YES1: variants seen among roughly 807,000 people sequenced by gnomAD.
YES1 encodes the protein tyrosine-protein kinase Yes.
In YES1, 39 loss-of-function variants were observed where a neutral mutation model predicts 70.4. The observed-to-expected ratio is 0.55, with a 90% CI of 0.43 to 0.72. The LOEUF is 0.72. Ranked by LOEUF, YES1 falls within the 30% of genes least tolerant of loss-of-function variation. The probability of loss-of-function intolerance (pLI) is 0.00; values close to 1 mark genes in which losing one functional copy is unlikely to be tolerated. For missense variants in YES1, 495 were observed against 644.8 expected (o/e 0.77, Z 2.52); for synonymous variants, 198 against 218.6 (o/e 0.91, Z 0.83).
chr18:784,652 C>G (rs1181624168), intron 1 of YES1, among the ~76,000 whole-genome samples: 1 of 152,180 alleles, frequency 6.6e-6, no homozygotes, highest in Non-Finnish European at 1.5e-5. Flanking sequence ...GGGGGCTGCC[C>G]ACATTCCTTG....
intron 1 of YES1, among the ~76,000 whole-genome samples, chr18:772,729 G>A (rs1473968315): frequency 6.6e-6 from 1 of 152,122 alleles, no homozygotes; most frequent in African/African-American, 2.4e-5. Context: ...ACCACGCCCG[G>A]CCAGCATCTC....
At chr18:804,265 T>A (rs80144518) in intron 1 of YES1, among the ~76,000 whole-genome samples, 8,666 of 152,316 alleles carry the variant, frequency 0.057, 346 homozygotes, top group East Asian at 0.13. Context: ...ACTGACATCA[T>A]AACTATCCAC....
At chr18:739,871 G>T in intron 8 of YES1, 60 bp from the exon 9 acceptor site, 2 of 1,276,996 alleles carry the variant, frequency 1.6e-6, no homozygotes, top group South Asian at 1.3e-5. Context: ...GGATTGAAAT[G>T]AATACTCCTC....
rs550738309 is a variant in YES1, at chr18:760,402, G to A, written c.-8-3567C>T. 1.2e-4 allele frequency among the ~76,000 whole-genome samples: 18 copies of A among 152,130 alleles called. No individual in the cohort carries two copies. In the South Asian group the frequency reaches 3.1e-3, roughly 26 times the overall value. The stretch of plus-strand genomic sequence containing the variant: ...GAAGAATCGCTTGAATCTGGGAGGC[G>A]GAGGTTGCAGTAAGTCAAGATTATG... On this transcript the variant is annotated intron_variant, in intron 1 of 11. Transcript: ENST00000314574.
intron 1 of YES1, among the ~76,000 whole-genome samples, chr18:777,816 AAAAAAAAAAATT>A (rs1430996510): frequency 1.3e-5 from 2 of 151,914 alleles, no homozygotes; most frequent in Admixed American, 1.3e-4. Context: ...TAAAAAAAAA[AAAAAAAAAAATT>A]AAAAAAAGAA....
At chr18:772,694 A>C (rs759911555) in intron 1 of YES1, among the ~76,000 whole-genome samples, 5 of 152,132 alleles carry the variant, frequency 3.3e-5, no homozygotes, top group Non-Finnish European at 7.3e-5. Flanking sequence ...GGCCTCTCAA[A>C]GTGCTGGGAT....
chr18:801,538 T>C (rs1906822805), intron 1 of YES1, among the ~76,000 whole-genome samples: 1 of 152,168 alleles, frequency 6.6e-6, no homozygotes, highest in Admixed American at 6.5e-5. Context: ...AAATTTTAAC[T>C]GAACCATCAG....
At position 745,980 on chromosome 18, in the gene YES1, A is replaced by G; in HGVS notation, c.542T>C (p.Ile181Thr). 1 of 1,613,220 alleles carries G rather than the reference A, an allele frequency of 6.2e-7. No homozygotes were observed. The highest frequency in any genetic ancestry group is 1.1e-5 in the South Asian group (1 of 90,978). The change falls in exon 5 of 12, where the codon ATT (isoleucine) becomes ACT (threonine). Residue 181 changes from isoleucine (I) to threonine (T), a missense_variant. Ile to Thr is a moderately conservative substitution (Grantham distance 89). Around this residue, in one of 2 missense-constraint regions of YES1, gnomAD observed 385 missense variants for 540.9 expected, o/e 0.71. Transcript: ENST00000314574. ...LLLNPGNQRGIFLVRESETTK... is the reference protein window; with the variant it reads ...LLLNPGNQRGTFLVRESETTK... Reference sequence around the variant, plus strand: ...TGTTTCACTCTCTCTTACTAAGAAAATACCTCGTTGATTTCCAGGATTCAA... The same window carrying G: ...TGTTTCACTCTCTCTTACTAAGAAAGTACCTCGTTGATTTCCAGGATTCAA...
At chr18:736,556 A>C (rs1325022254) in intron 10 of YES1, 1 of 310,722 alleles carries the variant, frequency 3.2e-6, no homozygotes, top group Non-Finnish European at 5.8e-6. Context: ...ATTTGTTGTC[A>C]TGTCAAAAGA....
intron 1 of YES1, among the ~76,000 whole-genome samples, chr18:771,862 G>C (rs745654368): frequency 6.6e-6 from 1 of 151,906 alleles, no homozygotes; most frequent in Non-Finnish European, 1.5e-5. Context: ...ATTTCCTTAT[G>C]TATCTGCTTG....
chr18:812,251 C>A (rs975121237), upstream of YES1: 1 of 151,840 alleles, frequency 6.6e-6, no homozygotes, highest in Non-Finnish European at 1.5e-5. Context: ...ACGGCAGAGC[C>A]GGCCCGGGAC....
chr18:747,546 C>T (rs1056957678), intron 4 of YES1, among the ~76,000 whole-genome samples: 3 of 152,176 alleles, frequency 2.0e-5, no homozygotes, highest in African/African-American at 7.2e-5. Flanking sequence ...TCCCTATCAA[C>T]ACACCCTCAT....
intron 1 of YES1, among the ~76,000 whole-genome samples, chr18:808,291 T>C (rs1015822129): frequency 2.0e-5 from 3 of 152,164 alleles, no homozygotes; most frequent in Non-Finnish European, 4.4e-5. Flanking sequence ...CTATAGCTCC[T>C]TTTGCTAAAT....
rs58322434 is a variant in YES1, at chr18:726,781, C to CAAAAAAAAAAAAAAAAAAA, written c.1424-2168_1424-2150dup. On this transcript the variant is annotated intron_variant, in intron 11 of 11. Transcript: ENST00000314574. Reference sequence around the variant, plus strand: ...GGGTGACAAAGCAAGACTCTTGTCTCAAAAAAAAAAAAAAAAAAAAAAAAA... The same window carrying CAAAAAAAAAAAAAAAAAAA: ...GGGTGACAAAGCAAGACTCTTGTCTCAAAAAAAAAAAAAAAAAAAAAAAAAAAAAAAAAAAAAAAAAAAA... Among the ~76,000 whole-genome samples the CAAAAAAAAAAAAAAAAAAA allele has an allele frequency of 8.5e-5, 4 of 47,232 alleles. 1 individual carries two copies. The highest frequency in any genetic ancestry group is 7.9e-4 in the Admixed American group (2 of 2,544). The allele number at this position is 47,232 out of a possible 152,430, so 31.0% of individuals were successfully genotyped here.
rs2080234054 is a variant in YES1, at chr18:743,077, T to C, written c.901A>G (p.Lys301Glu). ...GGTTTTAGTGTTTTGATTGCTACTT[T>C]CGTGGTTCCATTCCATGTTCCTAAA... ...VWMGTWNGTTKVAIKTLKPGT... is the reference protein window; with the variant it reads ...VWMGTWNGTTEVAIKTLKPGT... Residue 301 changes from lysine to glutamate, a missense_variant, in exon 8 of 12, where the codon AAA (lysine) becomes GAA (glutamate). By Grantham distance (56) the Lys-to-Glu change is moderately conservative. Coordinates refer to ENST00000314574, the MANE Select transcript of YES1 (RefSeq NM_005433.4). 3.1e-6 allele frequency: 5 copies of C among 1,597,578 alleles called. No homozygotes were observed. The South Asian group carries it at 4.6e-5, about 15-fold the overall frequency.
intron 1 of YES1, among the ~76,000 whole-genome samples, chr18:764,793 C>A (rs1020875926): frequency 1.3e-5 from 2 of 151,596 alleles, no homozygotes; most frequent in Non-Finnish European, 2.9e-5. Flanking sequence ...AGTGCAGTGG[C>A]GCGATCTCGA....
chr18:733,145 A>G lies in YES1; in HGVS notation c.1292-180T>C, dbSNP rs143626556. Reference sequence around the variant, plus strand: ...ATTTTTAAAATTCATATTGAAATAAATCACATTTCTTCCTGATTAGACAGC... The same window carrying G: ...ATTTTTAAAATTCATATTGAAATAAGTCACATTTCTTCCTGATTAGACAGC... On this transcript the variant is annotated intron_variant, in intron 10 of 11. Coordinates refer to ENST00000314574, the MANE Select transcript of YES1 (RefSeq NM_005433.4). Among the ~76,000 whole-genome samples, 310 of 152,386 alleles carry G rather than the reference A, an allele frequency of 2.0e-3. 1 individual carries two copies. Among genetic ancestry groups the G allele is most frequent in the African/African-American group, 7.1e-3 (294 of 41,596 alleles).
chr18:731,009 T>C (rs1056591053), intron 11 of YES1, among the ~76,000 whole-genome samples: 2 of 152,096 alleles, frequency 1.3e-5, no homozygotes, highest in Admixed American at 6.5e-5. Context: ...AGGAGTAGAA[T>C]TGTTTCATGA....
At chr18:794,720 T>A (rs1193187278) in intron 1 of YES1, among the ~76,000 whole-genome samples, 1 of 152,228 alleles carries the variant, frequency 6.6e-6, no homozygotes, top group Non-Finnish European at 1.5e-5. Flanking sequence ...CAATCCTTCG[T>A]GCTCCTGGCT....
Sources: gnomAD v4.1 joint callset for allele counts (sites outside exome capture counted in the v4.1 genomes callset) on GRCh38, gnomAD v4.1.1 for gene constraint, gnomAD v4.1.1 regional missense constraint, MANE v1.5 for transcripts, NCBI Gene and HGNC (gene_info 2026-07-23, HGNC 2026-07-21) for gene names.